EFCAB5: variants seen among roughly 807,000 people sequenced by gnomAD.
EFCAB5 encodes EF-hand calcium binding domain 5.
Under a neutral mutation model 167.9 loss-of-function variants are expected in EFCAB5, and 131 were observed. The ratio of observed to expected loss-of-function variants is 0.78; its 90% CI spans 0.68 to 0.90. The LOEUF (loss-of-function observed/expected upper bound fraction) is 0.90, where lower values mean the gene tolerates loss of function less well. Ranked by LOEUF, EFCAB5 falls within the 40% of genes least tolerant of loss-of-function variation. The pLI is 0.00. For synonymous variants in EFCAB5, 574 were observed against 602.8 expected (o/e 0.95, Z 0.70); for missense variants, 1,663 against 1,745.2 (o/e 0.95, Z 0.84).
intron 18 of EFCAB5, among the ~76,000 whole-genome samples, chr17:30,083,326 G>C (rs1196296488): frequency 6.6e-6 from 1 of 152,160 alleles, no homozygotes; most frequent in Non-Finnish European, 1.5e-5. Flanking sequence ...GGGCTCTCTT[G>C]TGTTCATCTC....
chr17:29,946,407 A>G (rs1011790867), intron 3 of EFCAB5, among the ~76,000 whole-genome samples: 2 of 144,036 alleles, frequency 1.4e-5, no homozygotes, highest in African/African-American at 5.2e-5. Context: ...TATAACCTTT[A>G]TGGAAAAGAG....
At chr17:30,022,680 G>C (rs958016188) in intron 7 of EFCAB5, among the ~76,000 whole-genome samples, 1 of 151,910 alleles carries the variant, frequency 6.6e-6, no homozygotes, top group Non-Finnish European at 1.5e-5. Flanking sequence ...ATATACTGAC[G>C]GAAACAATTT....
chr17:30,043,616 C>T (rs1027741872), intron 8 of EFCAB5, among the ~76,000 whole-genome samples: 1 of 152,168 alleles, frequency 6.6e-6, no homozygotes, highest in African/African-American at 2.4e-5. Context: ...TTGTAAATGC[C>T]ATTTACAATA....
At chr17:30,015,984 G>C (rs2069031081) in intron 7 of EFCAB5, among the ~76,000 whole-genome samples, 1 of 151,878 alleles carries the variant, frequency 6.6e-6, no homozygotes. Flanking sequence ...TTTCCATGCT[G>C]GCCAGGCTGG....
intron 14 of EFCAB5, among the ~76,000 whole-genome samples, chr17:30,072,433 AG>A (rs1415406711): frequency 6.6e-6 from 1 of 152,236 alleles, no homozygotes; most frequent in Non-Finnish European, 1.5e-5. Context: ...GTTATTTAAA[AG>A]TCTCATTGAA....
intron 7 of EFCAB5, among the ~76,000 whole-genome samples, chr17:30,006,052 C>G (rs1378688708): frequency 6.6e-6 from 1 of 152,208 alleles, no homozygotes; most frequent in African/African-American, 2.4e-5. Flanking sequence ...CGTGTATTGA[C>G]TTATGTCTTT....
intron 7 of EFCAB5, among the ~76,000 whole-genome samples, chr17:30,014,702 G>A (rs1014803426): frequency 6.6e-6 from 1 of 152,034 alleles, no homozygotes; most frequent in Admixed American, 6.6e-5. Flanking sequence ...GTCTCTGCAC[G>A]TGAGATGGGT....
At chr17:30,105,369 C>G (rs1188956212) in intron 22 of EFCAB5, among the ~76,000 whole-genome samples, 2 of 152,136 alleles carry the variant, frequency 1.3e-5, no homozygotes, top group African/African-American at 2.4e-5. Context: ...CGTCTGTAAT[C>G]CCAGCTACTT....
intron 13 of EFCAB5, chr17:30,059,266 T>TA (rs1171395063): frequency 9.9e-6 from 2 of 201,646 alleles, no homozygotes; most frequent in Non-Finnish European, 2.0e-5. Context: ...TAAAAATTTT[T>TA]AAAAAAAATT....
At chr17:30,070,283 TAC>T (rs2070698076) in intron 14 of EFCAB5, among the ~76,000 whole-genome samples, 1 of 152,036 alleles carries the variant, frequency 6.6e-6, no homozygotes, top group Admixed American at 6.5e-5. Flanking sequence ...AAAAGCAATC[TAC>T]AGTTTCCATA....
intron 18 of EFCAB5, among the ~76,000 whole-genome samples, chr17:30,085,642 C>T (rs1271173681): frequency 6.6e-6 from 1 of 151,482 alleles, no homozygotes; most frequent in Admixed American, 6.6e-5. Flanking sequence ...GGCGTGAACC[C>T]GGAAGAGGCA....
At chr17:30,032,848 A>G (rs1597700625) in intron 7 of EFCAB5, among the ~76,000 whole-genome samples, 1 of 151,282 alleles carries the variant, frequency 6.6e-6, no homozygotes, top group East Asian at 2.0e-4. Flanking sequence ...ACCCTAAGAG[A>G]GTAGAGGTAA....
intron 3 of EFCAB5, among the ~76,000 whole-genome samples, chr17:29,959,403 G>A (rs913141978): frequency 2.0e-5 from 3 of 151,898 alleles, no homozygotes; most frequent in African/African-American, 7.3e-5. Context: ...TCTTCAAGCA[G>A]AAGGAGTCTT....
intron 3 of EFCAB5, among the ~76,000 whole-genome samples, chr17:29,959,462 G>T (rs2067678259): frequency 6.6e-6 from 1 of 151,912 alleles, no homozygotes; most frequent in Non-Finnish European, 1.5e-5. Context: ...CCTGAAGCCT[G>T]CACGGCACTG....
chr17:30,050,687 C>T (rs940905489), intron 8 of EFCAB5, among the ~76,000 whole-genome samples: 2 of 152,124 alleles, frequency 1.3e-5, no homozygotes, highest in African/African-American at 4.8e-5. Context: ...ATCATTATTT[C>T]TGGGTGTTGG....
intron 4 of EFCAB5, among the ~76,000 whole-genome samples, chr17:29,984,034 A>G (rs1168809575): frequency 1.3e-5 from 2 of 152,074 alleles, no homozygotes; most frequent in East Asian, 3.9e-4. Context: ...TCGTTTACTT[A>G]TCTGTTCTGC....
At chr17:29,990,673 T>G (rs1462763864) in intron 4 of EFCAB5, among the ~76,000 whole-genome samples, 2 of 152,232 alleles carry the variant, frequency 1.3e-5, no homozygotes, top group African/African-American at 4.8e-5. Context: ...TTGTTTAAAT[T>G]CTTTGAGTAA....
rs1236099053 is a variant in EFCAB5, at chr17:29,942,245, CAG to C, written c.50_51del (p.Arg17LysfsTer12). The C allele has an allele frequency of 6.9e-6, 11 of 1,584,820 alleles. No homozygotes were observed. The highest frequency in any genetic ancestry group is 9.4e-6 in the Non-Finnish European group (11 of 1,165,332). On this transcript the variant is annotated frameshift_variant, in exon 2 of 23. Coordinates refer to ENST00000394835, the MANE Select transcript of EFCAB5 (RefSeq NM_198529.4). LOFTEE classifies it high-confidence loss of function. ...QEELRPAQEN[R>X]KEDKERKWNL... Reference sequence around the variant, plus strand: ...TAACACTGTTTGCATTTCAGGAAAACAGAAAAGAAGACAAAGAGAGGAAATGG... The same window carrying C: ...TAACACTGTTTGCATTTCAGGAAAACAAAAGAAGACAAAGAGAGGAAATGG...
chr17:29,966,018 C>T (rs139387614), intron 3 of EFCAB5, among the ~76,000 whole-genome samples: 52 of 151,604 alleles, frequency 3.4e-4, no homozygotes, highest in African/African-American at 1.2e-3. Flanking sequence ...ATTTTAATCT[C>T]GTATCCTGTG....
Sources: allele counts gnomAD v4.1 joint callset (sites outside exome capture counted in the v4.1 genomes callset), GRCh38; gene constraint gnomAD v4.1.1; transcripts MANE v1.5; gene names NCBI Gene and HGNC (gene_info 2026-07-23, HGNC 2026-07-21).